The following GSAP variants were observed in gnomAD, a reference collection of about 807,000 sequenced individuals.
The protein encoded by GSAP is gamma-secretase activating protein.
GSAP carries 118 observed loss-of-function variants against 131.7 expected under a neutral mutation model. That is an observed-to-expected ratio of 0.90 (90% CI 0.77 to 1.04). The LOEUF (loss-of-function observed/expected upper bound fraction) is 1.04. Among genes scored for constraint, GSAP ranks in the 50% least tolerant of loss-of-function variants. The pLI is 0.00. For synonymous variants in GSAP, 381 were observed against 363.4 expected, an observed-to-expected ratio of 1.05 and a Z score of -0.55; for missense variants, 1,019 against 1,013.2, an observed-to-expected ratio of 1.01 and a Z score of -0.08.
intron 8 of GSAP, among the ~76,000 whole-genome samples, chr7:77,380,790 T>C (rs1797681856): frequency 1.3e-5 from 2 of 152,196 alleles, no homozygotes; most frequent in South Asian, 4.1e-4. Context: ...CATAGTATGA[T>C]TGTATATATG....
At chr7:77,327,412 G>A (rs1788484956) in intron 22 of GSAP, 1 of 152,270 alleles carries the variant, frequency 6.6e-6, no homozygotes, top group African/African-American at 2.4e-5. Context: ...CAGATCCCCT[G>A]GCTTCAGGGA....
intron 10 of GSAP, among the ~76,000 whole-genome samples, chr7:77,376,142 A>AC (rs1336086846): frequency 1.3e-5 from 2 of 151,960 alleles, no homozygotes; most frequent in Non-Finnish European, 2.9e-5. Flanking sequence ...ATAACTTATA[A>AC]CCCCTTAAAG....
At chr7:77,366,270 T>C (rs180847759) in intron 12 of GSAP, among the ~76,000 whole-genome samples, 8 of 152,310 alleles carry the variant, frequency 5.3e-5, no homozygotes, top group African/African-American at 1.7e-4. Flanking sequence ...TTGCTTCTTT[T>C]GTGATTACTT....
intron 3 of GSAP, among the ~76,000 whole-genome samples, chr7:77,398,937 G>T (rs1800871881): frequency 6.6e-6 from 1 of 152,128 alleles, no homozygotes; most frequent in Admixed American, 6.5e-5. Flanking sequence ...CTGACAACTT[G>T]CTTTTTTCAT....
intron 3 of GSAP, among the ~76,000 whole-genome samples, chr7:77,403,108 G>C (rs549766288): frequency 2.8e-4 from 42 of 152,324 alleles, no homozygotes; most frequent in African/African-American, 9.4e-4. Context: ...CAACTGGATT[G>C]ACAGAAGACA....
chr7:77,321,877 C>T (rs1156784675), intron 24 of GSAP, among the ~76,000 whole-genome samples: 7 of 152,166 alleles, frequency 4.6e-5, no homozygotes. Flanking sequence ...ACAAGTTACC[C>T]ACCCTCTCCA....
At chr7:77,405,569 G>A (rs897400277) in intron 2 of GSAP, among the ~76,000 whole-genome samples, 2 of 151,858 alleles carry the variant, frequency 1.3e-5, no homozygotes, top group East Asian at 1.9e-4. Context: ...ACAGGGTTTC[G>A]CTCTGTCACC....
At chr7:77,352,307 A>T (rs1035574268) in intron 18 of GSAP, among the ~76,000 whole-genome samples, 1 of 152,268 alleles carries the variant, frequency 6.6e-6, no homozygotes, top group African/African-American at 2.4e-5. Context: ...AATAAGAAAC[A>T]TGAGGCAGAA....
At position 77,377,237 on chromosome 7, in the gene GSAP, T is replaced by TAAAAAAAAAAAAAAAAAAAAAAAAAA. The variant is rs533755073; in HGVS notation, c.681+48_681+49insTTTTTTTTTTTTTTTTTTTTTTTTTT. ...GTCTCTAAAAAAATTAATATTTTTG[T>TAAAAAAAAAAAAAAAAAAAAAAAAAA]AAAAAAAAAAAAAAAAAAAAAGGAG... On this transcript the variant is annotated intron_variant, in intron 9 of 30. Transcript: ENST00000257626. 20 of 894,434 alleles carry TAAAAAAAAAAAAAAAAAAAAAAAAAA rather than the reference T, an allele frequency of 2.2e-5. No individual in the cohort carries two copies. The African/African-American group carries it at 3.9e-4, about 17-fold the overall frequency. 55.4% of individuals were successfully genotyped at this position (894,434 alleles called of 1,614,324 possible). A position where few individuals can be genotyped will look rare whatever the true frequency, so the allele number is the denominator to read the frequency against.
chr7:77,367,218 T>C (rs190434288), intron 12 of GSAP, among the ~76,000 whole-genome samples: 10 of 152,280 alleles, frequency 6.6e-5, no homozygotes, highest in South Asian at 2.1e-4. Context: ...TCTTGCCTGA[T>C]TGCTCTAGCT....
rs748035865 is a variant in GSAP, at chr7:77,355,630, A to C, written c.1045T>G (p.Tyr349Asp). The C allele has an allele frequency of 3.2e-6, 5 of 1,583,270 alleles. No individual in the cohort carries two copies. In the East Asian group the frequency reaches 1.1e-4, roughly 35 times the overall value. The change falls in exon 15 of 31, where the codon TAC becomes GAC. Residue 349 changes from tyrosine to aspartate, a missense_variant. By Grantham distance (160) the Tyr-to-Asp change is radical. Transcript: ENST00000257626. ...AGGTGGAAGAAATGACCAGGTAAGTAAACAGCCACATAATAGTCTATAGAA... is the reference window on the plus strand; with the variant it reads ...AGGTGGAAGAAATGACCAGGTAAGTCAACAGCCACATAATAGTCTATAGAA... ...FLNLDYYVAV[Y>D]LPGHFFHLLN...
At chr7:77,330,712 C>CT (rs1789001359) in intron 19 of GSAP, 1 of 991,674 alleles carries the variant, frequency 1.0e-6, no homozygotes, top group African/African-American at 1.7e-5. Context: ...CATTTCCTCC[C>CT]TTGAGACCCG....
chr7:77,383,114 G>A (rs1798030256), intron 6 of GSAP, among the ~76,000 whole-genome samples: 1 of 152,176 alleles, frequency 6.6e-6, no homozygotes, highest in South Asian at 2.1e-4. Context: ...TTGAACCCAG[G>A]AGGTTGAAGT....
chr7:77,366,813 G>A (rs1795388464), intron 12 of GSAP, among the ~76,000 whole-genome samples: 1 of 152,154 alleles, frequency 6.6e-6, no homozygotes, highest in African/African-American at 2.4e-5. Flanking sequence ...ACACTGCTTT[G>A]GGCAGTATGG....
intron 12 of GSAP, among the ~76,000 whole-genome samples, chr7:77,371,950 A>G (rs574237668): frequency 4.8e-4 from 73 of 152,372 alleles, no homozygotes; most frequent in Non-Finnish European, 9.0e-4. Context: ...GGAGACATAC[A>G]GTAGTTACCA....
chr7:77,399,460 C>A (rs1800964106), intron 3 of GSAP, among the ~76,000 whole-genome samples: 1 of 152,144 alleles, frequency 6.6e-6, no homozygotes, highest in African/African-American at 2.4e-5. Flanking sequence ...GTCCATGTCC[C>A]AAATTACCAG....
chr7:77,351,318 T>C (rs1792834763), intron 18 of GSAP: 4 of 894,400 alleles, frequency 4.5e-6, no homozygotes, highest in Non-Finnish European at 5.2e-6. Flanking sequence ...GGATTATCTA[T>C]GTGTAAGGGC....
chr7:77,323,715 A>G lies in GSAP; in HGVS notation c.1855T>C (p.Leu619=). The change falls in exon 24 of 31, where the codon TTG becomes CTG. Residue 619 remains leucine, a synonymous_variant. Transcript: ENST00000257626. The part of the protein sequence containing the change: ...LMVSELKDHF[L]RHLQGVEKKK... ...TTTTCTACACCCTGTAGGTGTCTCAAAAAATGGTCTTTTAGCTCAGACACC... is the reference window on the plus strand; with the variant it reads ...TTTTCTACACCCTGTAGGTGTCTCAGAAAATGGTCTTTTAGCTCAGACACC... 1 of 1,600,378 alleles carries G rather than the reference A, an allele frequency of 6.2e-7. No individual in the cohort carries two copies. Among genetic ancestry groups the G allele is most frequent in the Non-Finnish European group, 8.6e-7 (1 of 1,168,924 alleles).
At chr7:77,355,739 C>A in intron 14 of GSAP, 92 bp from the exon 15 acceptor site, 3 of 666,676 alleles carry the variant, frequency 4.5e-6, no homozygotes, top group South Asian at 1.7e-5. Context: ...CTGAATATCT[C>A]AAAAGGCAAA....
Sources: gnomAD v4.1 joint callset for allele counts (sites outside exome capture counted in the v4.1 genomes callset) on GRCh38, gnomAD v4.1.1 for gene constraint, MANE v1.5 for transcripts, NCBI Gene and HGNC (gene_info 2026-07-23, HGNC 2026-07-21) for gene names.